The following ATRN variants were observed in gnomAD, a reference collection of about 807,000 sequenced individuals.
The protein encoded by ATRN is attractin, also known as attractin-2.
Under a neutral mutation model 178.7 loss-of-function variants are expected in ATRN, and 54 were observed. The observed-to-expected ratio is 0.30, with a 90% CI of 0.24 to 0.38. The LOEUF (loss-of-function observed/expected upper bound fraction) is 0.38, where lower values mean the gene tolerates loss of function less well. ATRN is among the 10% of genes least tolerant of loss of function. ATRN has a pLI of 1.00. For synonymous variants in ATRN, 636 were observed against 663.0 expected (o/e 0.96, Z 0.63); for missense variants, 1,443 against 1,815.1 (o/e 0.79, Z 3.73).
intron 1 of ATRN, among the ~76,000 whole-genome samples, chr20:3,484,474 T>C (rs1020432946): frequency 1.3e-5 from 2 of 152,220 alleles, no homozygotes; most frequent in Non-Finnish European, 2.9e-5. Context: ...TGATTTGTTA[T>C]ATTGACCTAA....
intron 1 of ATRN, chr20:3,490,750 A>G (rs1600020178): frequency 1.3e-6 from 1 of 789,926 alleles, no homozygotes; most frequent in Non-Finnish European, 2.3e-6. Context: ...TCCTTTATTT[A>G]CTCGAGTCTA....
At chr20:3,492,880 C>T (rs2084821750) in intron 1 of ATRN, among the ~76,000 whole-genome samples, 1 of 139,030 alleles carries the variant, frequency 7.2e-6, no homozygotes, top group South Asian at 2.1e-4. Flanking sequence ...CGCACGCACA[C>T]ACACACACAC....
intron 22 of ATRN, 65 bp downstream of exon 22, chr20:3,598,065 C>A: frequency 9.5e-7 from 1 of 1,057,724 alleles, no homozygotes; most frequent in South Asian, 1.3e-5. Context: ...TTGGTCATTA[C>A]GGATGGACGT....
At chr20:3,557,533 TAAAC>T in intron 6 of ATRN, among the ~76,000 whole-genome samples, 1 of 152,206 alleles carries the variant, frequency 6.6e-6, no homozygotes, top group African/African-American at 2.4e-5. Context: ...GAGCTCTACT[TAAAC>T]AAAACAAAAC....
chr20:3,644,116 T>A, intron 27 of ATRN, 38 bp from the exon 28 acceptor site: 1 of 1,464,208 alleles, frequency 6.8e-7, no homozygotes, highest in Non-Finnish European at 9.6e-7. Flanking sequence ...CATTAAAGCT[T>A]GAGTATCACT....
At chr20:3,609,008 T>C (rs567895037) in intron 24 of ATRN, among the ~76,000 whole-genome samples, 74 of 151,968 alleles carry the variant, frequency 4.9e-4, no homozygotes, top group Middle Eastern at 3.4e-3. Flanking sequence ...GCTTTGGCTA[T>C]TTGAGGTCTT....
chr20:3,640,631 C>T (rs189008203), intron 27 of ATRN, among the ~76,000 whole-genome samples: 1 of 152,290 alleles, frequency 6.6e-6, no homozygotes, highest in Non-Finnish European at 1.5e-5. Flanking sequence ...GTATCACATA[C>T]AACATGGAGA....
intron 1 of ATRN, among the ~76,000 whole-genome samples, chr20:3,485,474 G>T (rs1464845459): frequency 1.3e-5 from 2 of 151,984 alleles, no homozygotes; most frequent in Non-Finnish European, 2.9e-5. Context: ...CTTTTCATCT[G>T]TTAATGTGGT....
At chr20:3,499,380 A>G (rs2084924834) in intron 1 of ATRN, among the ~76,000 whole-genome samples, 2 of 139,822 alleles carry the variant, frequency 1.4e-5, no homozygotes, top group African/African-American at 5.6e-5. Flanking sequence ...CGCCAAGTCA[A>G]TCCTAAGCCA....
intron 1 of ATRN, among the ~76,000 whole-genome samples, chr20:3,492,027 A>T (rs571733324): frequency 6.6e-6 from 1 of 152,024 alleles, no homozygotes; most frequent in African/African-American, 2.4e-5. Context: ...TTTCAAAGAG[A>T]TTATAGTTAC....
At chr20:3,577,833 G>C (rs6037625) in intron 14 of ATRN, among the ~76,000 whole-genome samples, 1 of 152,130 alleles carries the variant, frequency 6.6e-6, no homozygotes, top group South Asian at 2.1e-4. Flanking sequence ...GTCTTTGTCT[G>C]TTCTTAAATG....
chr20:3,627,324 C>T (rs1055434875), intron 25 of ATRN, among the ~76,000 whole-genome samples: 1 of 152,190 alleles, frequency 6.6e-6, no homozygotes, highest in African/African-American at 2.4e-5. Flanking sequence ...GAAAACTCTC[C>T]AGGTGATTCC....
At chr20:3,517,885 A>C (rs2085228118) in intron 1 of ATRN, among the ~76,000 whole-genome samples, 1 of 151,896 alleles carries the variant, frequency 6.6e-6, no homozygotes, top group Non-Finnish European at 1.5e-5. Flanking sequence ...GTAGCTTCCC[A>C]CTCAGGTTAA....
At position 3,572,507 on chromosome 20, in the gene ATRN, A is replaced by C. The variant is rs2086140015; in HGVS notation, c.1872-224A>C. Among the ~76,000 whole-genome samples the C allele has an allele frequency of 2.6e-5, 4 of 152,088 alleles. 1 individual carries two copies. The South Asian group carries it at 8.3e-4, about 32-fold the overall frequency. On this transcript the variant is annotated intron_variant, in intron 11 of 28. Coordinates refer to ENST00000262919, the MANE Select transcript of ATRN (RefSeq NM_139321.3). ...CTTATGATATGTAAGATTTGTTTGA[A>C]GATTGTCTGTAAAAAGTGTATCATG...
At chr20:3,571,321 G>T (rs1046330966) in intron 11 of ATRN, among the ~76,000 whole-genome samples, 8 of 152,186 alleles carry the variant, frequency 5.3e-5, no homozygotes, top group Non-Finnish European at 8.8e-5. Flanking sequence ...TTGCCCTCTG[G>T]CATAAGTGGG....
intron 2 of ATRN, 115 bp from the exon 3 acceptor site, chr20:3,540,107 G>T: frequency 1.8e-6 from 1 of 550,496 alleles, no homozygotes. Flanking sequence ...ATACTGGTGG[G>T]GCAGTTGTTA....
intron 13 of ATRN, among the ~76,000 whole-genome samples, chr20:3,576,290 G>A (rs1273496780): frequency 6.6e-6 from 1 of 152,176 alleles, no homozygotes; most frequent in Non-Finnish European, 1.5e-5. Context: ...GAGTGAGTCA[G>A]GTGTACAGCG....
intron 18 of ATRN, among the ~76,000 whole-genome samples, chr20:3,587,000 C>T (rs1368544435): frequency 6.6e-6 from 1 of 152,182 alleles, no homozygotes; most frequent in Non-Finnish European, 1.5e-5. Flanking sequence ...TGAAATTGAA[C>T]ATCAACTTCA....
chr20:3,471,537 G>T lies in ATRN; in HGVS notation c.410+20G>T. The T allele has an allele frequency of 7.2e-7, 1 of 1,380,060 alleles. No homozygotes were observed. 85.5% of individuals were successfully genotyped at this position (1,380,060 alleles called of 1,614,324 possible). A position where few individuals can be genotyped will look rare whatever the true frequency, so the allele number is the denominator to read the frequency against. ...CTTCAGGTGAGTGGCGGGTGGTGTC[G>T]GAGGGTCGGGTCCAACCAGAGGCTG... is the stretch of plus-strand genomic sequence containing the variant. On this transcript the variant is annotated intron_variant, in intron 1 of 28. Coordinates refer to ENST00000262919, the MANE Select transcript of ATRN (RefSeq NM_139321.3).
Sources: allele counts gnomAD v4.1 joint callset (sites outside exome capture counted in the v4.1 genomes callset), GRCh38; gene constraint gnomAD v4.1.1; transcripts MANE v1.5; gene names NCBI Gene and HGNC (gene_info 2026-07-23, HGNC 2026-07-21).